The following TYMS variants were observed in gnomAD, a reference collection of about 807,000 sequenced individuals.
The protein encoded by TYMS is thymidylate synthase.
A neutral mutation model predicts 39.3 loss-of-function variants in TYMS; 21 were observed. The ratio of observed to expected loss-of-function variants is 0.54; its 90% CI spans 0.38 to 0.77. The LOEUF is 0.77. Among genes scored for constraint, TYMS ranks in the 30% least tolerant of loss-of-function variants. The probability of loss-of-function intolerance (pLI) is 0.00; values close to 1 mark genes in which losing one functional copy is unlikely to be tolerated. For missense variants in TYMS, 273 were observed against 406.7 expected (o/e 0.67, Z 2.83); for synonymous variants, 171 against 162.2 (o/e 1.05, Z -0.41).
intron 6 of TYMS, chr18:671,822 G>A: frequency 4.1e-6 from 1 of 244,762 alleles, no homozygotes; most frequent in South Asian, 4.8e-5. Context: ...CTGTCGGCCA[G>A]GCTGGAGTGT....
At chr18:662,414 A>G (rs539787729) in intron 3 of TYMS, 94 bp downstream of exon 3, 364 of 1,190,184 alleles carry the variant, frequency 3.1e-4, no homozygotes, top group East Asian at 3.0e-4. Context: ...GGATGAGTCA[A>G]TGTCACAGGA....
chr18:659,313 T>G (rs1468719576), intron 1 of TYMS, among the ~76,000 whole-genome samples: 3 of 152,220 alleles, frequency 2.0e-5, no homozygotes, highest in Non-Finnish European at 4.4e-5. Flanking sequence ...CTTCACACCT[T>G]TGTGACAGGA....
At chr18:670,655 C>T (rs763396300) in intron 4 of TYMS, 37 bp from the exon 5 acceptor site, 6 of 1,606,264 alleles carry the variant, frequency 3.7e-6, no homozygotes, top group Non-Finnish European at 5.1e-6. Context: ...TCTTTCAAAC[C>T]ACCATCCCTC....
At chr18:666,975 A>AGATGGT (rs2074842425) in intron 3 of TYMS, among the ~76,000 whole-genome samples, 4 of 14,986 alleles carry the variant, frequency 2.7e-4, no homozygotes, top group Admixed American at 2.0e-3. Flanking sequence ...ATGGTGATGG[A>AGATGGT]GATGGAGATG....
intron 6 of TYMS, chr18:672,589 A>G (rs1186124681): frequency 3.6e-6 from 1 of 276,090 alleles, no homozygotes; most frequent in Non-Finnish European, 6.9e-6. Context: ...AAATTTGCCA[A>G]GAGTGGTTAT....
At chr18:662,937 C>T (rs1363567830) in intron 3 of TYMS, among the ~76,000 whole-genome samples, 1 of 147,610 alleles carries the variant, frequency 6.8e-6, no homozygotes, top group African/African-American at 2.6e-5. Context: ...GGGTTGGTTC[C>T]AAGTCTTTGC....
chr18:671,604 C>T (rs1482028793), intron 6 of TYMS, 153 bp downstream of exon 6: 12 of 657,816 alleles, frequency 1.8e-5, no homozygotes, highest in Non-Finnish European at 3.2e-5. Flanking sequence ...GGCAGGTGGG[C>T]AGGACAAGGC....
rs1465968155 is a variant in TYMS, at chr18:668,979, G to C, written c.455-93G>C. ...TAGCCATGGGTCAAGGGGGGACCCT[G>C]GGTAAGAGACTGTAATAGATGACCT... On this transcript the variant is annotated intron_variant, in intron 3 of 6. Transcript: ENST00000323274. The C allele has an allele frequency of 4.7e-6, 5 of 1,055,904 alleles. No homozygotes were observed. The African/African-American group carries it at 6.3e-5, about 13-fold the overall frequency. 65.4% of individuals were successfully genotyped at this position (1,055,904 alleles called of 1,614,324 possible).
Position 662,199 on chromosome 18 carries a change from C to T in TYMS, c.333C>T (p.Ala111=). The part of the protein sequence containing the change: ...LSSKGVKIWD[A]NGSRDFLDSL... ...CCAAGGGAGTGAAAATCTGGGATGC[C>T]AATGGATCCCGAGACTTTTTGGACA... Residue 111 remains alanine (A), a synonymous_variant, in exon 3 of 7, where the codon GCC becomes GCT. Coordinates refer to ENST00000323274, the MANE Select transcript of TYMS (RefSeq NM_001071.4). The T allele has an allele frequency of 6.2e-7, 1 of 1,613,882 alleles. No homozygotes were observed. The highest frequency in any genetic ancestry group is 8.5e-7 in the Non-Finnish European group (1 of 1,179,922).
Position 657,906 on chromosome 18 carries a change from C to A in TYMS, c.164C>A (p.Thr55Asn). ...VRKDDRTGTG[T>N]LSVFGMQARY... Reference sequence around the variant, plus strand: ...AAGGACGACCGCACGGGCACCGGCACCCTGTCGGTATTCGGCATGCAGGCG... The same window carrying A: ...AAGGACGACCGCACGGGCACCGGCAACCTGTCGGTATTCGGCATGCAGGCG... Residue 55 changes from threonine (T) to asparagine (N), a missense_variant, in exon 1 of 7, where the codon ACC becomes AAC. By Grantham distance (65) the Thr-to-Asn change is moderately conservative. Around this residue, in one of 3 missense-constraint regions of TYMS, gnomAD observed 228 missense variants for 326.1 expected, o/e 0.70. Transcript: ENST00000323274. 6.6e-7 allele frequency: 1 copy of A among 1,512,804 alleles called. No homozygotes were observed. The highest frequency in any genetic ancestry group is 8.8e-7 in the Non-Finnish European group (1 of 1,136,712). The allele number at this position is 1,512,804 out of a possible 1,614,324, so 93.7% of individuals were successfully genotyped here.
rs554846398 is a variant in TYMS at position 659,363 on chromosome 18, G to A, written c.206-278G>A. Among the ~76,000 whole-genome samples the A allele has an allele frequency of 2.6e-5, 4 of 152,148 alleles. No homozygotes were observed. The East Asian group carries it at 7.7e-4, about 29-fold the overall frequency. Reference sequence around the variant, plus strand: ...CAGTGGATGATAGCTCCTCCCTTTTGCCACATGTTCATCCCTGCCCTCGCC... The same window carrying A: ...CAGTGGATGATAGCTCCTCCCTTTTACCACATGTTCATCCCTGCCCTCGCC... On this transcript the variant is annotated intron_variant, in intron 1 of 6. Transcript: ENST00000323274.
Position 673,173 on chromosome 18 carries a change from C to T in TYMS, c.*176C>T. ...ACTGGCAAATGTAACTGTGCCAGTT[C>T]TTTCCATAATAAAAGGCTTTGAGTT... On this transcript the variant is annotated 3_prime_UTR_variant, in exon 7 of 7. Coordinates refer to ENST00000323274, the MANE Select transcript of TYMS (RefSeq NM_001071.4). 1 of 598,822 alleles carries T rather than the reference C, an allele frequency of 1.7e-6. No individual in the cohort carries two copies. The highest frequency in any genetic ancestry group is 2.6e-6 in the Non-Finnish European group (1 of 378,608). 37.1% of individuals were successfully genotyped at this position (598,822 alleles called of 1,614,324 possible).
chr18:673,178 C>T lies in TYMS; in HGVS notation c.*181C>T, dbSNP rs1271446270. 1 of 578,252 alleles carries T rather than the reference C, an allele frequency of 1.7e-6. No individual in the cohort carries two copies. The highest frequency in any genetic ancestry group is 2.8e-6 in the Non-Finnish European group (1 of 363,410). 35.8% of individuals were successfully genotyped at this position (578,252 alleles called of 1,614,324 possible). Reference sequence around the variant, plus strand: ...CAAATGTAACTGTGCCAGTTCTTTCCATAATAAAAGGCTTTGAGTTAACTC... The same window carrying T: ...CAAATGTAACTGTGCCAGTTCTTTCTATAATAAAAGGCTTTGAGTTAACTC... On this transcript the variant is annotated 3_prime_UTR_variant, in exon 7 of 7. Transcript: ENST00000323274.
At chr18:662,451 G>A in intron 3 of TYMS, 131 bp downstream of exon 3, 1 of 770,570 alleles carries the variant, frequency 1.3e-6, no homozygotes, top group South Asian at 3.4e-5. Flanking sequence ...GACCTTGTGA[G>A]GGGTGGTGCC....
rs1462620779 is a variant in TYMS, at chr18:673,219, C to G, written c.*222C>G. 2 of 405,746 alleles carry G rather than the reference C, an allele frequency of 4.9e-6. No individual in the cohort carries two copies. The highest frequency in any genetic ancestry group is 8.7e-6 in the Non-Finnish European group (2 of 229,092). The allele number at this position is 405,746 out of a possible 1,614,324, so 25.1% of individuals were successfully genotyped here. A position where few individuals can be genotyped will look rare whatever the true frequency, so the allele number is the denominator to read the frequency against. On this transcript the variant is annotated 3_prime_UTR_variant, in exon 7 of 7. Coordinates refer to ENST00000323274, the MANE Select transcript of TYMS (RefSeq NM_001071.4). ...GAGTTAACTCACTGAGGGTATCTGA[C>G]AATGCTGAGGTTATGAACAAAGTGA...
At position 672,700 on chromosome 18, in the gene TYMS, C is replaced by A. The variant is rs971355197; in HGVS notation, c.805-160C>A. The A allele has an allele frequency of 2.0e-5, 14 of 709,976 alleles. No homozygotes were observed. The Admixed American group carries it at 3.9e-4, about 20-fold the overall frequency. The allele number at this position is 709,976 out of a possible 1,614,324, so 44.0% of individuals were successfully genotyped here. On this transcript the variant is annotated intron_variant, in intron 6 of 6. Transcript: ENST00000323274. Reference sequence around the variant, plus strand: ...TGCAAGAGAACAGCTGGTTGCGCTCCAATCATGTTACATAACCTACGGCAA... The same window carrying A: ...TGCAAGAGAACAGCTGGTTGCGCTCAAATCATGTTACATAACCTACGGCAA...
chr18:661,822 C>A (rs576673990), intron 2 of TYMS, among the ~76,000 whole-genome samples: 2 of 152,184 alleles, frequency 1.3e-5, no homozygotes, highest in African/African-American at 2.4e-5. Context: ...ACTGTCTCTA[C>A]TAAAAATACA....
Position 660,278 on chromosome 18 carries a change from C to T in TYMS, c.279+564C>T, listed in dbSNP as rs1450403418. Among the ~76,000 whole-genome samples the T allele has an allele frequency of 1.3e-5, 2 of 152,128 alleles. No homozygotes were observed. The highest frequency in any genetic ancestry group is 4.8e-5 in the African/African-American group (2 of 41,426). On this transcript the variant is annotated intron_variant, in intron 2 of 6. Coordinates refer to ENST00000323274, the MANE Select transcript of TYMS (RefSeq NM_001071.4). This position sits in a 1 kb window ranked among gnomAD's most constrained non-coding sequence, Gnocchi z 4.6. ...CCCCACTCCCTGGAACCTTCTTCCCCCACACTTGGCTTCTTCCTTTGAGTC... is the reference window on the plus strand; with the variant it reads ...CCCCACTCCCTGGAACCTTCTTCCCTCACACTTGGCTTCTTCCTTTGAGTC...
At position 671,083 on chromosome 18, in the gene TYMS, T is replaced by C. The variant is rs969618151; in HGVS notation, c.732+216T>C. The C allele has an allele frequency of 6.3e-5, 40 of 633,508 alleles. No homozygotes were observed. The South Asian group carries it at 7.2e-4, about 11-fold the overall frequency. 39.2% of individuals were successfully genotyped at this position (633,508 alleles called of 1,614,324 possible). ...GCACTAACAGATCTATACAGGTTGT[T>C]TGTGATACAGCTTCTATGGATTTTC... On this transcript the variant is annotated intron_variant, in intron 5 of 6. Coordinates refer to ENST00000323274, the MANE Select transcript of TYMS (RefSeq NM_001071.4).
Sources: allele counts gnomAD v4.1 joint callset (sites outside exome capture counted in the v4.1 genomes callset), GRCh38; gene constraint gnomAD v4.1.1; regional missense constraint gnomAD v4.1.1; non-coding constraint Gnocchi (gnomAD v3.1); transcripts MANE v1.5; gene names NCBI Gene and HGNC (gene_info 2026-07-23, HGNC 2026-07-21).